WDR76: variants seen among roughly 807,000 people sequenced by gnomAD.
WDR76 encodes WD repeat domain 76.
Under a neutral mutation model 70.2 loss-of-function variants are expected in WDR76, and 52 were observed. The ratio of observed to expected loss-of-function variants is 0.74; its 90% CI spans 0.59 to 0.93. The LOEUF (loss-of-function observed/expected upper bound fraction) is 0.93. WDR76 is among the 40% of genes least tolerant of loss of function. WDR76 has a pLI of 0.00. For synonymous variants in WDR76, 292 were observed against 271.1 expected (o/e 1.08, Z -0.76); for missense variants, 756 against 760.2 (o/e 0.99, Z 0.07).
chr15:43,835,080 C>G lies in WDR76; in HGVS notation c.482C>G (p.Pro161Arg). The change falls in exon 3 of 13, where the codon CCC becomes CGC. Residue 161 changes from proline to arginine, a missense_variant. Physicochemically the swap from Pro to Arg is moderately radical, Grantham distance 103 (BLOSUM62 -2). Coordinates refer to ENST00000263795, the MANE Select transcript of WDR76 (RefSeq NM_024908.4). ...TTATAGGATTTTTCGGGATTGTCAC[C>G]CTACGAAAGGAAGAGACTGAAGAAC... Reference protein sequence around the residue: ...TPSLDFSGLSPYERKRLKNIS... With the variant: ...TPSLDFSGLSRYERKRLKNIS... The G allele has an allele frequency of 5.6e-6, 9 of 1,613,918 alleles. No individual in the cohort carries two copies. Among genetic ancestry groups the G allele is most frequent in the Non-Finnish European group, 7.6e-6 (9 of 1,179,964 alleles).
chr15:43,851,555 A>T (rs1304621441), intron 9 of WDR76, among the ~76,000 whole-genome samples: 1 of 152,174 alleles, frequency 6.6e-6, no homozygotes, highest in African/African-American at 2.4e-5. Context: ...GGCACATAGT[A>T]TGTGTTTGCG....
Position 43,866,331 on chromosome 15 carries a change from T to G in WDR76, c.1820T>G (p.Ile607Ser), listed in dbSNP as rs769298819. Residue 607 changes from isoleucine (I) to serine (S), a missense_variant, in exon 13 of 13, where the codon ATT (isoleucine) becomes AGT (serine). Ile to Ser is a moderately radical substitution (Grantham distance 142). Transcript: ENST00000263795. ...SINAMHPTRY[I>S]LAGGNSSGKI... Reference sequence around the variant, plus strand: ...AATGCCATGCACCCAACTCGGTATATTTTGGCTGGAGGTAATTCCAGCGGG... The same window carrying G: ...AATGCCATGCACCCAACTCGGTATAGTTTGGCTGGAGGTAATTCCAGCGGG... The G allele has an allele frequency of 2.9e-5, 47 of 1,614,006 alleles. No homozygotes were observed. The East Asian group carries it at 1.0e-3, about 34-fold the overall frequency.
intron 9 of WDR76, among the ~76,000 whole-genome samples, chr15:43,856,622 T>A (rs1237199675): frequency 6.6e-6 from 1 of 151,770 alleles, no homozygotes; most frequent in Non-Finnish European, 1.5e-5. Flanking sequence ...TTTTTTAATT[T>A]TCAGTTAGAA....
chr15:43,863,797 G>A (rs914455291), intron 12 of WDR76: 3 of 152,212 alleles, frequency 2.0e-5, no homozygotes, highest in East Asian at 3.8e-4. Flanking sequence ...GGCCTCAGCC[G>A]ATCCTCCCAC....
At position 43,851,260 on chromosome 15, in the gene WDR76, GT is replaced by G; in HGVS notation, c.1191+18del. On this transcript the variant is annotated intron_variant, in intron 9 of 12. Transcript: ENST00000263795. ...TTTTTGAAGAGGTAAATGTTAATGT[GT>G]TTACATGCTGACTTCAGATGATATT... 6.2e-7 allele frequency: 1 copy of G among 1,610,542 alleles called. No individual in the cohort carries two copies. The highest frequency in any genetic ancestry group is 8.5e-7 in the Non-Finnish European group (1 of 1,177,852).
At chr15:43,863,666 C>T (rs911451710) in intron 12 of WDR76, among the ~76,000 whole-genome samples, 10 of 151,970 alleles carry the variant, frequency 6.6e-5, no homozygotes, top group African/African-American at 2.4e-4. Context: ...CTTGAGCAGT[C>T]CTCTTGCCTC....
At chr15:43,838,562 A>C (rs1424934185) in intron 4 of WDR76, among the ~76,000 whole-genome samples, 1 of 152,182 alleles carries the variant, frequency 6.6e-6, no homozygotes, top group African/African-American at 2.4e-5. Context: ...TTTGGTGTTC[A>C]CATACAATAT....
intron 11 of WDR76, among the ~76,000 whole-genome samples, 170 bp from the exon 12 acceptor site, chr15:43,861,163 C>T (rs1342433923): frequency 6.6e-6 from 1 of 151,996 alleles, no homozygotes; most frequent in African/African-American, 2.4e-5. Context: ...AGGTGATCCT[C>T]CTGTGGATTA....
chr15:43,854,515 A>G (rs1200595717), intron 9 of WDR76, among the ~76,000 whole-genome samples: 1 of 152,178 alleles, frequency 6.6e-6, no homozygotes, highest in Non-Finnish European at 1.5e-5. Context: ...GGCTCCAGTA[A>G]GCCGAGATTG....
At chr15:43,844,908 A>G (rs2087769111) in intron 8 of WDR76, among the ~76,000 whole-genome samples, 1 of 91,754 alleles carries the variant, frequency 1.1e-5, no homozygotes, top group Non-Finnish European at 2.2e-5. Flanking sequence ...AGCCTGGGCG[A>G]CAGAGCGAGA....
intron 8 of WDR76, among the ~76,000 whole-genome samples, chr15:43,844,853 G>A (rs1443906168): frequency 7.0e-6 from 1 of 142,120 alleles, no homozygotes; most frequent in African/African-American, 2.6e-5. Context: ...GCGTGAACCT[G>A]GGAGGGGGAG....
chr15:43,835,109 T>A lies in WDR76; in HGVS notation c.511T>A (p.Ser171Thr), dbSNP rs775537615. 6.2e-7 allele frequency: 1 copy of A among 1,614,124 alleles called. No homozygotes were observed. Among genetic ancestry groups the A allele is most frequent in the Middle Eastern group, 1.6e-4 (1 of 6,062 alleles). ...CGAAAGGAAGAGACTGAAGAACATA[T>A]CAGAAAACGCAGACTTTTTTGCTTC... is the stretch of plus-strand genomic sequence containing the variant. ...PYERKRLKNI[S>T]ENADFFASLQ... The change falls in exon 3 of 13, where the codon TCA (serine) becomes ACA (threonine). Residue 171 changes from serine to threonine, a missense_variant. Physicochemically the swap from Ser to Thr is moderately conservative, Grantham distance 58. Coordinates refer to ENST00000263795, the MANE Select transcript of WDR76 (RefSeq NM_024908.4).
chr15:43,839,107 TA>T (rs1021199105), intron 4 of WDR76, among the ~76,000 whole-genome samples: 1 of 152,226 alleles, frequency 6.6e-6, no homozygotes, highest in Admixed American at 6.5e-5. Flanking sequence ...GTATATTATT[TA>T]AAAAGTAAAC....
intron 2 of WDR76, among the ~76,000 whole-genome samples, chr15:43,833,528 C>T (rs1468496442): frequency 6.6e-6 from 1 of 151,680 alleles, no homozygotes; most frequent in Non-Finnish European, 1.5e-5. Flanking sequence ...ACTGTGTTAG[C>T]TAGGATGGTC....
chr15:43,839,621 G>A lies in WDR76; in HGVS notation c.625G>A (p.Glu209Lys), dbSNP rs2087698168. ...PKSKRKKPKR[E>K]NGIGCRRSMR... The stretch of plus-strand genomic sequence containing the variant: ...CTCCTTTAGAAAGAAGCCTAAGAGA[G>A]AAAATGGGATTGGATGTAGAAGGTC... The change falls in exon 5 of 13, where the codon GAA (glutamate) becomes AAA (lysine). Residue 209 changes from glutamate (E) to lysine (K), a missense_variant. Glu to Lys is a moderately conservative substitution (Grantham distance 56). Coordinates refer to ENST00000263795, the MANE Select transcript of WDR76 (RefSeq NM_024908.4). 1.9e-6 allele frequency: 3 copies of A among 1,611,058 alleles called. No individual in the cohort carries two copies. Among genetic ancestry groups the A allele is most frequent in the Admixed American group, 3.4e-5 (2 of 59,564 alleles).
rs2087939192 is a variant in WDR76, at chr15:43,857,181, C to G, written c.1409+18C>G. 2 of 1,591,840 alleles carry G rather than the reference C, an allele frequency of 1.3e-6. No homozygotes were observed. Among genetic ancestry groups the G allele is most frequent in the South Asian group, 2.3e-5 (2 of 87,958 alleles). On this transcript the variant is annotated intron_variant, in intron 10 of 12. Coordinates refer to ENST00000263795, the MANE Select transcript of WDR76 (RefSeq NM_024908.4). ...GGATTGAGGTATGGTCTTTATAAGACTTTATGACTTAGACCTTTTAATGTC... is the reference window on the plus strand; with the variant it reads ...GGATTGAGGTATGGTCTTTATAAGAGTTTATGACTTAGACCTTTTAATGTC...
chr15:43,852,388 T>C (rs2087871262), intron 9 of WDR76, among the ~76,000 whole-genome samples: 1 of 151,910 alleles, frequency 6.6e-6, no homozygotes, highest in East Asian at 1.9e-4. Context: ...GTTGTTGTTG[T>C]AGAGATGGAG....
Position 43,853,803 on chromosome 15 carries a change from C to G in WDR76, c.1191+2558C>G, listed in dbSNP as rs181996319. The stretch of plus-strand genomic sequence containing the variant: ...CACCTGTAGTCCCAGCTACTGGGGA[C>G]GCTGAGGCAGGAGAATCGCTTGAAC... On this transcript the variant is annotated intron_variant, in intron 9 of 12. Transcript: ENST00000263795. 5.3e-5 allele frequency among the ~76,000 whole-genome samples: 8 copies of G among 150,912 alleles called. No individual in the cohort carries two copies. The East Asian group carries it at 1.6e-3, about 30-fold the overall frequency.
chr15:43,848,196 G>C (rs967769759), intron 8 of WDR76, among the ~76,000 whole-genome samples: 1 of 152,058 alleles, frequency 6.6e-6, no homozygotes, highest in Non-Finnish European at 1.5e-5. Flanking sequence ...CCATGATTGT[G>C]TCACTGTACT....
Sources: allele counts gnomAD v4.1 joint callset (sites outside exome capture counted in the v4.1 genomes callset), GRCh38; gene constraint gnomAD v4.1.1; transcripts MANE v1.5; gene names NCBI Gene and HGNC (gene_info 2026-07-23, HGNC 2026-07-21).